The following ICAM2 variants were observed in gnomAD, a reference collection of about 807,000 sequenced individuals.
ICAM2 encodes the protein intercellular adhesion molecule 2.
Under a neutral mutation model 19.1 loss-of-function variants are expected in ICAM2, and 14 were observed. That is an observed-to-expected ratio of 0.73 (90% CI 0.48 to 1.15). The LOEUF (loss-of-function observed/expected upper bound fraction) is 1.15, where lower values mean the gene tolerates loss of function less well. ICAM2 is among the 50% of genes most tolerant of loss of function. ICAM2 has a pLI of 0.00. For missense variants in ICAM2, 311 were observed against 355.4 expected (o/e 0.88, Z 1.00); for synonymous variants, 153 against 152.7 (o/e 1.00, Z -0.01).
At chr17:64,015,273 G>T (rs967169729) in intron 1 of ICAM2, among the ~76,000 whole-genome samples, 6 of 152,152 alleles carry the variant, frequency 3.9e-5, no homozygotes, top group African/African-American at 1.4e-4. Flanking sequence ...TTTATGTTAT[G>T]TGTATTTTAC....
At chr17:64,014,674 AAAGAAAGG>A (rs1242225053) in intron 1 of ICAM2, among the ~76,000 whole-genome samples, 22 of 98,684 alleles carry the variant, frequency 2.2e-4, no homozygotes, top group African/African-American at 6.9e-4. Context: ...AGAGAGAAAG[AAAGAAAGG>A]AAGGAAGGAA....
chr17:64,014,714 G>GA (rs1911641541), intron 1 of ICAM2, among the ~76,000 whole-genome samples: 4 of 17,572 alleles, frequency 2.3e-4, no homozygotes, highest in African/African-American at 4.5e-4. Context: ...AGGAAGGAAG[G>GA]AAGGAAGGAA....
At chr17:64,014,330 G>GGAAGGAAAGAAAGAAA (rs1219763465) in intron 1 of ICAM2, among the ~76,000 whole-genome samples, 2 of 31,154 alleles carry the variant, frequency 6.4e-5, no homozygotes, top group African/African-American at 2.2e-4. Flanking sequence ...AAGGAAGGAA[G>GGAAGGAAAGAAAGAAA]GAAAGAAAGA....
In ICAM2 at chr17:64,002,725, G is replaced by T. The variant is rs1189589110; in HGVS notation, c.*22C>A. 2 of 1,604,696 alleles carry T rather than the reference G, an allele frequency of 1.2e-6. No individual in the cohort carries two copies. The highest frequency in any genetic ancestry group is 3.3e-5 in the Admixed American group (2 of 59,748). On this transcript the variant is annotated 3_prime_UTR_variant, in exon 5 of 5. Coordinates refer to ENST00000579788, the MANE Select transcript of ICAM2 (RefSeq NM_001099789.2). ...CTGAGTTCCAGTGACCACCGTGGTG[G>T]TGGCCATGCCACTCATGGTTGCTAT...
intron 1 of ICAM2, among the ~76,000 whole-genome samples, chr17:64,016,831 C>T (rs1204193417): frequency 6.6e-6 from 1 of 152,206 alleles, no homozygotes; most frequent in Non-Finnish European, 1.5e-5. Context: ...ACAAAGGATT[C>T]TGCTTTAGAG....
chr17:64,011,295 T>C (rs1278055932), intron 1 of ICAM2, among the ~76,000 whole-genome samples: 1 of 152,082 alleles, frequency 6.6e-6, no homozygotes, highest in Non-Finnish European at 1.5e-5. Flanking sequence ...ACCCTGTCTC[T>C]ACTAAAAACA....
At chr17:64,014,260 G>A (rs1314294435) in intron 1 of ICAM2, among the ~76,000 whole-genome samples, 2 of 148,362 alleles carry the variant, frequency 1.3e-5, no homozygotes, top group Admixed American at 1.4e-4. Context: ...GATTGCCCCT[G>A]CCCAGGAATT....
chr17:64,014,561 A>AAGAG (rs1010999763), intron 1 of ICAM2, among the ~76,000 whole-genome samples: 4 of 135,850 alleles, frequency 2.9e-5, no homozygotes, highest in Non-Finnish European at 6.4e-5. Flanking sequence ...GGAAGAAAGA[A>AAGAG]AGAGAGAGAG....
chr17:64,014,104 A>T lies in ICAM2; in HGVS notation c.-45+6419T>A, dbSNP rs370925308. ...TTCCTAAAATTGAATGATAATGAAA[A>T]TATCATGTTAAAATTTCTGCGAGGC... On this transcript the variant is annotated intron_variant, in intron 1 of 4. Transcript: ENST00000579788. 1.1e-4 allele frequency among the ~76,000 whole-genome samples: 16 copies of T among 152,182 alleles called. No homozygotes were observed. The South Asian group carries it at 2.5e-3, about 24-fold the overall frequency.
rs773489521 is a variant in ICAM2 at position 64,003,694 on chromosome 17, C to T, written c.599G>A (p.Gly200Asp). ...TGAGTGTTTGTGAAAGATGTTGCCA[C>T]CGCGAGACATCAAGTCCAGCACAGC... is the stretch of plus-strand genomic sequence containing the variant. ...CLAVLDLMSR[G>D]GNIFHKHSAP... is the part of the protein sequence containing the mutation. Residue 200 changes from glycine (G) to aspartate (D), a missense_variant, in exon 4 of 5, where the codon GGT becomes GAT. Gly to Asp is a moderately conservative substitution (Grantham distance 94). Transcript: ENST00000579788. 3 of 1,614,070 alleles carry T rather than the reference C, an allele frequency of 1.9e-6. No homozygotes were observed. Among genetic ancestry groups the T allele is most frequent in the African/African-American group, 1.3e-5 (1 of 74,952 alleles).
Position 64,006,920 on chromosome 17 carries a change from G to A in ICAM2, c.-44-185C>T, listed in dbSNP as rs1317339416. 6.8e-6 allele frequency: 4 copies of A among 585,074 alleles called. No homozygotes were observed. In the African/African-American group the frequency reaches 7.5e-5, roughly 11 times the overall value. 36.2% of individuals were successfully genotyped at this position (585,074 alleles called of 1,614,324 possible). ...GAAGCTGGGAAGCTGCTGATAAGCA[G>A]GGCATAACCCAGTCCTCCCTGCTGA... On this transcript the variant is annotated intron_variant, in intron 1 of 4. Coordinates refer to ENST00000579788, the MANE Select transcript of ICAM2 (RefSeq NM_001099789.2).
rs777150364 is a variant in ICAM2 at position 64,002,930 on chromosome 17, G to A, written c.650-5C>T. Reference sequence around the variant, plus strand: ...TCTGGCTGTCCGACACAGGCTCTGGGGAGGGAGGGGGCAAGGGTCTTAGAC... The same window carrying A: ...TCTGGCTGTCCGACACAGGCTCTGGAGAGGGAGGGGGCAAGGGTCTTAGAC... On this transcript the variant is annotated splice_polypyrimidine_tract_variant and splice_region_variant and intron_variant, in intron 4 of 4. Transcript: ENST00000579788. 1.9e-6 allele frequency: 3 copies of A among 1,612,728 alleles called. No individual in the cohort carries two copies. The highest frequency in any genetic ancestry group is 1.1e-5 in the South Asian group (1 of 91,044).
At chr17:64,009,216 T>C (rs1192196751) in intron 1 of ICAM2, among the ~76,000 whole-genome samples, 1 of 152,092 alleles carries the variant, frequency 6.6e-6, no homozygotes, top group African/African-American at 2.4e-5. Context: ...GATGGGTGCA[T>C]GCATGGATTA....
At position 64,002,842 on chromosome 17, in the gene ICAM2, A is replaced by G; in HGVS notation, c.733T>C (p.Cys245Arg). 3 of 1,614,022 alleles carry G rather than the reference A, an allele frequency of 1.9e-6. No individual in the cohort carries two copies. Among genetic ancestry groups the G allele is most frequent in the Non-Finnish European group, 2.5e-6 (3 of 1,179,996 alleles). The change falls in exon 5 of 5, where the codon TGC (cysteine) becomes CGC (arginine). Residue 245 changes from cysteine (C) to arginine (R), a missense_variant. Coordinates refer to ENST00000579788, the MANE Select transcript of ICAM2 (RefSeq NM_001099789.2). ...LSLFVTSVLL[C>R]FIFGQHLRQQ... ...CGCAAGTGCTGGCCGAAGATGAAGCAGAGCAGGACAGATGTCACGAACAGG... is the reference window on the plus strand; with the variant it reads ...CGCAAGTGCTGGCCGAAGATGAAGCGGAGCAGGACAGATGTCACGAACAGG...
At chr17:64,008,728 AG>A (rs370848101) in intron 1 of ICAM2, among the ~76,000 whole-genome samples, 1 of 152,310 alleles carries the variant, frequency 6.6e-6, no homozygotes, top group East Asian at 1.9e-4. Context: ...AAGAGGGAAA[AG>A]CAACATAGCA....
chr17:64,015,576 C>CA (rs1911689081), intron 1 of ICAM2, among the ~76,000 whole-genome samples: 1 of 151,936 alleles, frequency 6.6e-6, no homozygotes, highest in Non-Finnish European at 1.5e-5. Flanking sequence ...CCCATCTCTA[C>CA]AAAAAATACA....
In ICAM2 at chr17:64,005,120, G is replaced by A. The variant is rs775187300; in HGVS notation, c.315C>T (p.Asn105=). ...CSGKQESMNS[N]VSVYQPPRQV... is the part of the protein sequence containing the mutation. ...ACAGCCACTCACGGTACACGCTGAC[G>A]TTGGAATTCATTGACTCCTGCTTCC... The change falls in exon 3 of 5, where the codon AAC becomes AAT. Residue 105 remains asparagine, a synonymous_variant. Coordinates refer to ENST00000579788, the MANE Select transcript of ICAM2 (RefSeq NM_001099789.2). 7.4e-6 allele frequency: 12 copies of A among 1,614,012 alleles called. No individual in the cohort carries two copies. Among genetic ancestry groups the A allele is most frequent in the South Asian group, 3.3e-5 (3 of 91,088 alleles).
At chr17:64,018,625 T>C (rs1314537322) in intron 1 of ICAM2, among the ~76,000 whole-genome samples, 1 of 151,624 alleles carries the variant, frequency 6.6e-6, no homozygotes, top group African/African-American at 2.4e-5. Context: ...AATATTCTTA[T>C]ACCCTGTAAC....
rs868712499 is a variant in ICAM2 at position 64,005,218 on chromosome 17, C to G, written c.217G>C (p.Ala73Pro). The part of the protein sequence containing the change: ...SLDKILLDEQ[A>P]QWKHYLVSNI... ...GAGACCAAGTAATGTTTCCACTGAG[C>G]CTGTTCGTCCAGCAGAATCTTATCT... Residue 73 changes from alanine to proline, a missense_variant, in exon 3 of 5, where the codon GCT becomes CCT. By Grantham distance (27) the Ala-to-Pro change is conservative. Coordinates refer to ENST00000579788, the MANE Select transcript of ICAM2 (RefSeq NM_001099789.2). 3 of 1,614,020 alleles carry G rather than the reference C, an allele frequency of 1.9e-6. No individual in the cohort carries two copies. The highest frequency in any genetic ancestry group is 2.2e-5 in the East Asian group (1 of 44,900).
Sources: allele counts gnomAD v4.1 joint callset (sites outside exome capture counted in the v4.1 genomes callset), GRCh38; gene constraint gnomAD v4.1.1; transcripts MANE v1.5; gene names NCBI Gene and HGNC (gene_info 2026-07-23, HGNC 2026-07-21).